The following MIB1 variants were observed in gnomAD, a reference collection of about 807,000 sequenced individuals.
MIB1 encodes MIB E3 ubiquitin protein ligase 1.
In MIB1, 278 loss-of-function variants were observed where a neutral mutation model predicts 124.5. That is an observed-to-expected ratio of 2.23 (90% confidence interval 2.02 to 2.47). MIB1 has a LOEUF of 2.47. Among genes scored for constraint, MIB1 ranks in the 30% most tolerant of loss-of-function variants. The pLI is 0.00. For missense variants in MIB1, 957 were observed against 1,254.4 expected (o/e 0.76, Z 3.58); for synonymous variants, 446 against 429.4 (o/e 1.04, Z -0.48).
At chr18:21,765,707 C>T (rs2093109169) in intron 1 of MIB1, 65 bp from the exon 2 acceptor site, 15 of 1,474,658 alleles carry the variant, frequency 1.0e-5, no homozygotes, top group Admixed American at 4.3e-5. Context: ...TTTTTTCCCC[C>T]AAGGAATAAT....
At chr18:21,773,810 T>C in intron 4 of MIB1, 82 bp downstream of exon 4, 3 of 797,542 alleles carry the variant, frequency 3.8e-6, no homozygotes, top group Non-Finnish European at 6.1e-6. Flanking sequence ...TATTTTTCCT[T>C]TGTCATCTCC....
At chr18:21,800,738 A>T (rs909038201) in intron 9 of MIB1, among the ~76,000 whole-genome samples, 1 of 152,032 alleles carries the variant, frequency 6.6e-6, no homozygotes, top group Admixed American at 6.6e-5. Flanking sequence ...TGAAGATGAG[A>T]TCTATAATTG....
At chr18:21,841,236 C>T (rs540282076) in intron 13 of MIB1, among the ~76,000 whole-genome samples, 23 of 151,986 alleles carry the variant, frequency 1.5e-4, no homozygotes, top group Non-Finnish European at 2.6e-4. Flanking sequence ...CGTGGTGGCA[C>T]GCACCTGTAG....
intron 20 of MIB1, among the ~76,000 whole-genome samples, chr18:21,860,484 A>G (rs2042267686): frequency 1.3e-5 from 2 of 152,170 alleles, no homozygotes; most frequent in Non-Finnish European, 2.9e-5. Context: ...AGATAAAAAA[A>G]TTAGCAAAAA....
At position 21,734,749 on chromosome 18, in the gene MIB1, G is replaced by A. The variant is rs958458215; in HGVS notation, n.167+29626G>A. On this transcript the variant is annotated intron_variant and non_coding_transcript_variant, in intron 1 of 20. Coordinates refer to the MIB1 transcript ENST00000578646. ...TCACCATGTTGACCAGGCTGGCCTCGAACTCCTGACCTCAAATGATCCATC... is the reference window on the plus strand; with the variant it reads ...TCACCATGTTGACCAGGCTGGCCTCAAACTCCTGACCTCAAATGATCCATC... Among the ~76,000 whole-genome samples, 8 of 151,994 alleles carry A rather than the reference G, an allele frequency of 5.3e-5. No homozygotes were observed. In the South Asian group the frequency reaches 8.3e-4, roughly 16 times the overall value.
intron 13 of MIB1, among the ~76,000 whole-genome samples, 173 bp from the exon 14 acceptor site, chr18:21,842,958 A>AT (rs1381764320): frequency 1.3e-5 from 2 of 152,098 alleles, no homozygotes; most frequent in East Asian, 3.8e-4. Flanking sequence ...TGCCCCATCC[A>AT]TTTTTTTCTA....
At chr18:21,707,925 C>T (rs749018289) in intron 1 of MIB1, among the ~76,000 whole-genome samples, 1 of 152,136 alleles carries the variant, frequency 6.6e-6, no homozygotes, top group Non-Finnish European at 1.5e-5. Flanking sequence ...ATCAGGGTAC[C>T]GATGTGGTTG....
intron 1 of MIB1, among the ~76,000 whole-genome samples, chr18:21,714,484 G>T (rs1024312760): frequency 6.6e-6 from 1 of 152,118 alleles, no homozygotes; most frequent in African/African-American, 2.4e-5. Context: ...CCCCATCTCT[G>T]TCTCCACAGT....
At chr18:21,825,736 C>T (rs1431220541) in intron 12 of MIB1, 2 of 531,594 alleles carry the variant, frequency 3.8e-6, no homozygotes, top group African/African-American at 1.9e-5. Context: ...GGACCAAATC[C>T]ATTGAAGAGG....
At chr18:21,834,798 G>T (rs11660303) in intron 12 of MIB1, among the ~76,000 whole-genome samples, 35,306 of 152,054 alleles carry the variant, frequency 0.23, 4,416 homozygotes, top group South Asian at 0.39. Context: ...ATGTAAAGGG[G>T]TATTCTGGAA....
chr18:21,724,426 C>T (rs1039867082), intron 1 of MIB1, among the ~76,000 whole-genome samples: 6 of 151,576 alleles, frequency 4.0e-5, no homozygotes, highest in Admixed American at 1.3e-4. Context: ...TAGAGTCAGC[C>T]GGGTGTGGTG....
chr18:21,813,648 C>T (rs945337937), intron 10 of MIB1, among the ~76,000 whole-genome samples: 1 of 152,044 alleles, frequency 6.6e-6, no homozygotes, highest in Admixed American at 6.5e-5. Flanking sequence ...TGAGAAAATA[C>T]GCAAAGACCA....
At chr18:21,854,438 C>T (rs2042208274) in intron 18 of MIB1, among the ~76,000 whole-genome samples, 1 of 152,084 alleles carries the variant, frequency 6.6e-6, no homozygotes, top group South Asian at 2.1e-4. Flanking sequence ...CAGATTTGGC[C>T]CTCAGGTGTA....
chr18:21,805,302 C>T (rs966485169), intron 10 of MIB1, among the ~76,000 whole-genome samples: 17 of 151,990 alleles, frequency 1.1e-4, no homozygotes, highest in African/African-American at 4.1e-4. Context: ...TGTGAGCCAC[C>T]GCGCCTAAGA....
At chr18:21,750,490 G>A (rs1016390153) in intron 1 of MIB1, among the ~76,000 whole-genome samples, 6 of 152,150 alleles carry the variant, frequency 3.9e-5, no homozygotes, top group African/African-American at 1.4e-4. Context: ...ACCATGCCCC[G>A]CTAACTTTTC....
In MIB1 at chr18:21,837,096, A is replaced by G. The variant is rs192671628; in HGVS notation, c.1830-1269A>G. Among the ~76,000 whole-genome samples the G allele has an allele frequency of 1.1e-4, 17 of 152,346 alleles. No homozygotes were observed. The East Asian group carries it at 2.3e-3, about 21-fold the overall frequency. On this transcript the variant is annotated intron_variant, in intron 12 of 20. Transcript: ENST00000261537. Reference sequence around the variant, plus strand: ...CATGCATTTCTCTGGAGGAGAGCCTATAGCTTTCCAAAGAAGCCTGTTATC... The same window carrying G: ...CATGCATTTCTCTGGAGGAGAGCCTGTAGCTTTCCAAAGAAGCCTGTTATC...
chr18:21,819,120 C>T (rs1199862209), intron 11 of MIB1, among the ~76,000 whole-genome samples: 3 of 152,190 alleles, frequency 2.0e-5, no homozygotes, highest in Non-Finnish European at 4.4e-5. Flanking sequence ...TCACTGGAGC[C>T]TTGAACTCCT....
intron 12 of MIB1, among the ~76,000 whole-genome samples, chr18:21,832,347 T>C (rs754222184): frequency 6.6e-6 from 1 of 152,202 alleles, no homozygotes; most frequent in Admixed American, 6.5e-5. Flanking sequence ...TTGCACACTT[T>C]ACACAGATTG....
At chr18:21,794,956 C>T (rs1161448912) in intron 7 of MIB1, among the ~76,000 whole-genome samples, 2 of 151,766 alleles carry the variant, frequency 1.3e-5, no homozygotes, top group African/African-American at 2.4e-5. Flanking sequence ...ACAACCAAAA[C>T]GACTGTAGAG....
Sources: allele counts gnomAD v4.1 joint callset (sites outside exome capture counted in the v4.1 genomes callset), GRCh38; gene constraint gnomAD v4.1.1; transcripts MANE v1.5; gene names NCBI Gene and HGNC (gene_info 2026-07-23, HGNC 2026-07-21).